The following TCIRG1 variants were observed in gnomAD, a reference collection of about 807,000 sequenced individuals.
The protein encoded by TCIRG1 is V-type proton ATPase 116 kDa subunit a 3.
TCIRG1 carries 86 observed loss-of-function variants against 95.5 expected under a neutral mutation model. The ratio of observed to expected loss-of-function variants is 0.90; its 90% CI spans 0.76 to 1.08. TCIRG1 has a LOEUF of 1.08. Ranked by LOEUF, TCIRG1 falls within the 50% of genes least tolerant of loss-of-function variation. TCIRG1 has a pLI of 0.00. For synonymous variants in TCIRG1, 499 were observed against 501.3 expected (o/e 1.00, Z 0.06); for missense variants, 1,069 against 1,140.2 (o/e 0.94, Z 0.90).
rs1413933529 is a variant in TCIRG1 at position 68,039,102 on chromosome 11, G to C, written c.-22G>C. ...CGGGGCAGCCAGCAGCGGAGGCGCG[G>C]CGCGCAGCACACCCGGGGTGAGTGC... On this transcript the variant is annotated 5_prime_UTR_variant, in exon 1 of 20. Coordinates refer to ENST00000265686, the MANE Select transcript of TCIRG1 (RefSeq NM_006019.4). The C allele has an allele frequency of 2.0e-5, 3 of 152,392 alleles. No homozygotes were observed. Among genetic ancestry groups the C allele is most frequent in the Non-Finnish European group, 2.9e-5 (2 of 68,178 alleles). The allele number at this position is 152,392 out of a possible 1,614,324, so 9.4% of individuals were successfully genotyped here.
downstream of TCIRG1, chr11:68,052,715 T>A (rs1007953245): frequency 6.6e-5 from 10 of 152,388 alleles, no homozygotes; most frequent in Admixed American, 6.5e-4. Context: ...TGGGGCCACA[T>A]GCTGCTGGGA....
chr11:68,045,243 AG>A (rs1203519367), intron 10 of TCIRG1, 141 bp downstream of exon 10: 73 of 1,085,764 alleles, frequency 6.7e-5, no homozygotes, highest in Admixed American at 2.0e-5. Context: ...ATCACTCTCA[AG>A]GGGCTGTTGG....
At chr11:68,046,642 T>G (rs1189514627) in intron 10 of TCIRG1, among the ~76,000 whole-genome samples, 1 of 136,546 alleles carries the variant, frequency 7.3e-6, no homozygotes, top group Non-Finnish European at 1.6e-5. Context: ...TTTTTTGGGG[T>G]CACAACACAG....
rs780745598 is a variant in TCIRG1 at position 68,045,103 on chromosome 11, G to C, written c.1165+1G>C. The C allele has an allele frequency of 1.9e-6, 3 of 1,600,536 alleles. No homozygotes were observed. The highest frequency in any genetic ancestry group is 2.2e-5 in the South Asian group (2 of 91,094). On this transcript the variant is annotated splice_donor_variant, in intron 10 of 19. Transcript: ENST00000265686. LOFTEE classifies it high-confidence loss of function. ...GGCCGCTACCAGGAGGTCAACCCCGGTGAGAGCCACGGCATCCTTACCCGT... is the reference window on the plus strand; with the variant it reads ...GGCCGCTACCAGGAGGTCAACCCCGCTGAGAGCCACGGCATCCTTACCCGT...
intron 10 of TCIRG1, among the ~76,000 whole-genome samples, chr11:68,045,536 T>G (rs1269946837): frequency 6.6e-6 from 1 of 151,052 alleles, no homozygotes; most frequent in Non-Finnish European, 1.5e-5. Context: ...GCCTTTGGTG[T>G]GGTTGCTTTG....
At chr11:68,042,891 G>A (rs781501770) in intron 4 of TCIRG1, 28 bp downstream of exon 4, 8 of 1,550,066 alleles carry the variant, frequency 5.2e-6, no homozygotes, top group Non-Finnish European at 7.0e-6. Context: ...CAGGAGACTG[G>A]GGGGCTGGGG....
chr11:68,043,144 C>T, intron 5 of TCIRG1, 113 bp downstream of exon 5: 1 of 1,531,388 alleles, frequency 6.5e-7, no homozygotes. Context: ...CCCAGGCTGG[C>T]CCCGCCTCCT....
chr11:68,046,341 A>G (rs753071104), intron 10 of TCIRG1, among the ~76,000 whole-genome samples: 1 of 152,130 alleles, frequency 6.6e-6, no homozygotes, highest in Non-Finnish European at 1.5e-5. Flanking sequence ...AAGCCCTTGT[A>G]TCTTAAAAAA....
chr11:68,051,863 G>A (rs1855809234), downstream of TCIRG1, among the ~76,000 whole-genome samples: 1 of 152,190 alleles, frequency 6.6e-6, no homozygotes, highest in Non-Finnish European at 1.5e-5. Context: ...CGGGCAGTGA[G>A]GTGGGGATAG....
intron 10 of TCIRG1, among the ~76,000 whole-genome samples, 165 bp from the exon 11 acceptor site, chr11:68,047,268 G>T (rs1219387278): frequency 0.011 from 211 of 19,234 alleles, 1 homozygote; most frequent in Non-Finnish European, 0.018. Context: ...CCCCCCCCCC[G>T]TCTCGGCCTC....
intron 8 of TCIRG1, 73 bp from the exon 9 acceptor site, chr11:68,044,059 A>T: frequency 7.1e-7 from 1 of 1,412,452 alleles, no homozygotes; most frequent in Middle Eastern, 2.4e-4. Context: ...AGGTGGGTGC[A>T]GGAGGTGGGT....
rs1855180391 is a variant in TCIRG1, at chr11:68,041,763, C to T, written c.128C>T (p.Ser43Leu). Residue 43 changes from serine to leucine, a missense_variant, in exon 3 of 20, where the codon TCG becomes TTG. By Grantham distance (145) the Ser-to-Leu change is moderately radical (BLOSUM62 -2). Coordinates refer to ENST00000265686, the MANE Select transcript of TCIRG1 (RefSeq NM_006019.4). The stretch of plus-strand genomic sequence containing the variant: ...GTGTGGCACCCACAGCTCAACGCCT[C>T]GGTGAGCGCCTTCCAGAGACGCTTT... ...GLVEFRDLNA[S>L]VSAFQRRFVV... is the part of the protein sequence containing the mutation. 6 of 1,609,130 alleles carry T rather than the reference C, an allele frequency of 3.7e-6. No homozygotes were observed. The highest frequency in any genetic ancestry group is 2.2e-5 in the East Asian group (1 of 44,650).
intron 14 of TCIRG1, 40 bp from the exon 15 acceptor site, chr11:68,049,041 G>T: frequency 6.2e-7 from 1 of 1,612,936 alleles, no homozygotes. Context: ...TGGCAGGCCA[G>T]AGTGGGCCCC....
intron 5 of TCIRG1, 126 bp from the exon 6 acceptor site, chr11:68,043,245 C>T: frequency 6.8e-7 from 1 of 1,479,698 alleles, no homozygotes; most frequent in Non-Finnish European, 8.9e-7. Flanking sequence ...CTGCCTTCCC[C>T]TGTGGGCAGG....
intron 3 of TCIRG1, among the ~76,000 whole-genome samples, chr11:68,042,399 C>T (rs1430247236): frequency 6.6e-6 from 1 of 152,186 alleles, no homozygotes; most frequent in Non-Finnish European, 1.5e-5. Flanking sequence ...CAAGGGCCGG[C>T]CTGTGGGGAG....
At chr11:68,050,375 G>T in intron 18 of TCIRG1, 112 bp from the exon 19 acceptor site, 2 of 1,605,132 alleles carry the variant, frequency 1.2e-6, no homozygotes. Flanking sequence ...GACTGTCCAA[G>T]GAGGTCCCTC....
intron 10 of TCIRG1, among the ~76,000 whole-genome samples, chr11:68,047,217 G>A (rs1351792794): frequency 6.8e-6 from 1 of 147,940 alleles, no homozygotes; most frequent in Non-Finnish European, 1.5e-5. Context: ...CACCGTGTGG[G>A]CCAGGCTGGT....
chr11:68,040,221 A>C (rs568866204), intron 1 of TCIRG1, among the ~76,000 whole-genome samples: 1 of 152,332 alleles, frequency 6.6e-6, no homozygotes, highest in South Asian at 2.1e-4. Context: ...AAGTAGAGGC[A>C]CAGAGAGGGT....
At position 68,044,334 on chromosome 11, in the gene TCIRG1, G is replaced by C; in HGVS notation, c.1010G>C (p.Arg337Pro). The change falls in exon 9 of 20, where the codon CGG (arginine) becomes CCG (proline). Residue 337 changes from arginine (R) to proline (P), a missense_variant. By Grantham distance (103) the Arg-to-Pro change is moderately radical (BLOSUM62 -2). Transcript: ENST00000265686. ...CTGCCCGCCCTGCAGGAGGCCCTGC[G>C]GGACAGCTCGGTGAGCAGCCTGAGG... Reference protein sequence around the residue: ...RDLPALQEALRDSSMEEGVSA... With the variant: ...RDLPALQEALPDSSMEEGVSA... The C allele has an allele frequency of 6.3e-7, 1 of 1,584,544 alleles. No individual in the cohort carries two copies. The highest frequency in any genetic ancestry group is 8.5e-7 in the Non-Finnish European group (1 of 1,170,264).
Sources: allele counts gnomAD v4.1 joint callset (sites outside exome capture counted in the v4.1 genomes callset), GRCh38; gene constraint gnomAD v4.1.1; transcripts MANE v1.5; gene names NCBI Gene and HGNC (gene_info 2026-07-23, HGNC 2026-07-21).